BBS9: variants seen among roughly 807,000 people sequenced by gnomAD.
BBS9 encodes Bardet-Biedl syndrome 9.
BBS9 carries 89 observed loss-of-function variants against 117.7 expected under a neutral mutation model. The observed-to-expected ratio is 0.76, with a 90% CI of 0.64 to 0.90. The LOEUF (loss-of-function observed/expected upper bound fraction) is 0.90, where lower values mean the gene tolerates loss of function less well. BBS9 is among the 40% of genes least tolerant of loss of function. BBS9 has a pLI of 0.00. For missense variants in BBS9, 982 were observed against 1,042.2 expected, an observed-to-expected ratio of 0.94 and a Z score of 0.80; for synonymous variants, 379 against 370.9, an observed-to-expected ratio of 1.02 and a Z score of -0.25.
chr7:33,502,536 T>C (rs1198217047), intron 19 of BBS9, among the ~76,000 whole-genome samples: 4 of 152,224 alleles, frequency 2.6e-5, no homozygotes, highest in Non-Finnish European at 5.9e-5. Context: ...ATGTAATTTA[T>C]TTAGTTTTAA....
intron 5 of BBS9, among the ~76,000 whole-genome samples, chr7:33,194,422 T>G (rs1784625171): frequency 6.6e-6 from 1 of 152,214 alleles, no homozygotes; most frequent in Admixed American, 6.5e-5. Flanking sequence ...GGTATGAAAT[T>G]GTGTTCTTTC....
chr7:33,282,905 A>G (rs1396611197), intron 9 of BBS9, among the ~76,000 whole-genome samples: 3 of 152,200 alleles, frequency 2.0e-5, no homozygotes, highest in Non-Finnish European at 4.4e-5. Context: ...TGTGAAACAT[A>G]AGGAAAATAG....
intron 9 of BBS9, among the ~76,000 whole-genome samples, chr7:33,303,029 T>C (rs921028327): frequency 1.3e-5 from 2 of 152,186 alleles, no homozygotes; most frequent in East Asian, 3.8e-4. Flanking sequence ...TTCATAGCTA[T>C]TGTAAATGGG....
At chr7:33,563,140 A>G (rs1395459906) in intron 21 of BBS9, among the ~76,000 whole-genome samples, 8 of 152,142 alleles carry the variant, frequency 5.3e-5, no homozygotes, top group Admixed American at 5.2e-4. Flanking sequence ...TCAAAACAGT[A>G]CTCCAGATGT....
intron 5 of BBS9, among the ~76,000 whole-genome samples, chr7:33,237,912 G>A (rs1793795839): frequency 6.6e-6 from 1 of 152,152 alleles, no homozygotes; most frequent in South Asian, 2.1e-4. Context: ...TAGAAATTGT[G>A]TCAACTGCTT....
intron 17 of BBS9, among the ~76,000 whole-genome samples, chr7:33,370,391 G>A (rs1822630370): frequency 6.6e-6 from 1 of 151,968 alleles, no homozygotes; most frequent in Non-Finnish European, 1.5e-5. Context: ...GATCACTTAA[G>A]CCCAGGAGGT....
At position 33,368,577 on chromosome 7, in the gene BBS9, TACACACACACACACACAC is replaced by T. The variant is rs201655079; in HGVS notation, c.1789+738_1789+755del. The stretch of plus-strand genomic sequence containing the variant: ...ACGAATCTGTATTGAGAGAAAAAAG[TACACACACACACACACAC>T]ACACACACACACACACACACACCCA... On this transcript the variant is annotated intron_variant, in intron 17 of 22. Coordinates refer to ENST00000242067, the MANE Select transcript of BBS9 (RefSeq NM_198428.3). Among the ~76,000 whole-genome samples the T allele has an allele frequency of 2.3e-5, 3 of 128,480 alleles. No homozygotes were observed. The East Asian group carries it at 6.7e-4, about 29-fold the overall frequency. 84.3% of individuals were successfully genotyped at this position (128,480 alleles called of 152,430 possible). A position where few individuals can be genotyped will look rare whatever the true frequency, so the allele number is the denominator to read the frequency against.
intron 9 of BBS9, among the ~76,000 whole-genome samples, chr7:33,307,838 A>T (rs1034174333): frequency 2.0e-5 from 3 of 151,004 alleles, no homozygotes; most frequent in Non-Finnish European, 4.4e-5. Context: ...ACCTATGAAT[A>T]TAGAGGGCTG....
At chr7:33,584,521 A>G (rs930910289) in intron 21 of BBS9, among the ~76,000 whole-genome samples, 1 of 152,102 alleles carries the variant, frequency 6.6e-6, no homozygotes, top group East Asian at 1.9e-4. Flanking sequence ...CAGAGTGCTC[A>G]TCATTACACT....
intron 5 of BBS9, among the ~76,000 whole-genome samples, chr7:33,231,428 C>CTTTTGTTTTTTTTTTTTTTTTTTTTT (rs1792371529): frequency 9.4e-6 from 1 of 106,386 alleles, no homozygotes. Flanking sequence ...GCCTATGTGT[C>CTTTTGTTTTTTTTTTTTTTTTTTTTT]TTTTTTTTTT....
chr7:33,613,503 A>G (rs561977887), intron 21 of BBS9, among the ~76,000 whole-genome samples: 1 of 152,070 alleles, frequency 6.6e-6, no homozygotes, highest in South Asian at 2.1e-4. Flanking sequence ...TTGCTTGGAT[A>G]AGAGTTGGAA....
intron 19 of BBS9, among the ~76,000 whole-genome samples, chr7:33,463,294 T>A (rs994552300): frequency 1.3e-5 from 2 of 152,106 alleles, no homozygotes; most frequent in African/African-American, 4.8e-5. Context: ...TGTAACCAAT[T>A]GTGCTGGCAT....
chr7:33,426,271 C>T (rs1436293746), intron 19 of BBS9, among the ~76,000 whole-genome samples: 2 of 152,126 alleles, frequency 1.3e-5, no homozygotes, highest in African/African-American at 4.8e-5. Context: ...TTTTTGAGCA[C>T]TTACTGAGTG....
chr7:33,262,785 C>A (rs1798171732), intron 6 of BBS9, among the ~76,000 whole-genome samples: 1 of 152,152 alleles, frequency 6.6e-6, no homozygotes, highest in Admixed American at 6.6e-5. Flanking sequence ...TGCCATAATG[C>A]CTTCTCCTTC....
chr7:33,404,317 G>A (rs1321509363), intron 19 of BBS9, among the ~76,000 whole-genome samples: 2 of 152,198 alleles, frequency 1.3e-5, no homozygotes, highest in East Asian at 3.9e-4. Context: ...GGATTGACTT[G>A]GCGATGTGGG....
intron 5 of BBS9, among the ~76,000 whole-genome samples, chr7:33,208,224 A>C (rs1278296687): frequency 6.6e-6 from 1 of 152,220 alleles, no homozygotes; most frequent in Non-Finnish European, 1.5e-5. Context: ...TTCTAAGTGA[A>C]TATCTGGCTC....
chr7:33,163,876 T>C (rs1795249094), intron 4 of BBS9, among the ~76,000 whole-genome samples: 3 of 152,332 alleles, frequency 2.0e-5, no homozygotes, highest in African/African-American at 7.2e-5. Flanking sequence ...CTGCTAGCTT[T>C]TGAATATGTT....
intron 19 of BBS9, among the ~76,000 whole-genome samples, chr7:33,436,858 G>T (rs1337231425): frequency 6.6e-6 from 1 of 152,180 alleles, no homozygotes; most frequent in African/African-American, 2.4e-5. Flanking sequence ...AGATTATCTT[G>T]AATTTACTTA....
At chr7:33,242,607 T>C (rs1489653448) in intron 5 of BBS9, among the ~76,000 whole-genome samples, 1 of 152,176 alleles carries the variant, frequency 6.6e-6, no homozygotes, top group Non-Finnish European at 1.5e-5. Context: ...ACAGTAATTT[T>C]AGTCTGAGAA....
Sources: allele counts gnomAD v4.1 joint callset (sites outside exome capture counted in the v4.1 genomes callset), GRCh38; gene constraint gnomAD v4.1.1; transcripts MANE v1.5; gene names NCBI Gene and HGNC (gene_info 2026-07-23, HGNC 2026-07-21).